MARK3: variants seen among roughly 807,000 people sequenced by gnomAD.
MARK3 encodes MAP/microtubule affinity-regulating kinase 3.
In MARK3, 46 loss-of-function variants were observed where a neutral mutation model predicts 90.1. That is an observed-to-expected ratio of 0.51 (90% CI 0.40 to 0.65). The LOEUF is 0.65. Among genes scored for constraint, MARK3 ranks in the 30% least tolerant of loss-of-function variants. The pLI is 0.00. For synonymous variants in MARK3, 321 were observed against 332.6 expected, an observed-to-expected ratio of 0.97 and a Z score of 0.38; for missense variants, 818 against 947.2, an observed-to-expected ratio of 0.86 and a Z score of 1.79.
chr14:103,479,883 G>A (rs556428355), intron 13 of MARK3, among the ~76,000 whole-genome samples: 1 of 151,946 alleles, frequency 6.6e-6, no homozygotes, highest in East Asian at 1.9e-4. Flanking sequence ...CAGGAGATCC[G>A]CCCACCTCTG....
intron 7 of MARK3, among the ~76,000 whole-genome samples, chr14:103,465,082 C>G (rs1172513448): frequency 3.9e-5 from 6 of 152,188 alleles, no homozygotes; most frequent in Admixed American, 3.9e-4. Flanking sequence ...ATTCTCCTGC[C>G]TCAGCCTCCT....
intron 17 of MARK3, 56 bp from the exon 18 acceptor site, chr14:103,502,826 G>T: frequency 7.1e-7 from 1 of 1,412,780 alleles, no homozygotes; most frequent in Non-Finnish European, 9.8e-7. Context: ...TAGCTGAAGT[G>T]TAAGAGGTTG....
intron 3 of MARK3, among the ~76,000 whole-genome samples, chr14:103,428,813 C>T (rs981295145): frequency 6.6e-6 from 1 of 151,980 alleles, no homozygotes; most frequent in Non-Finnish European, 1.5e-5. Flanking sequence ...TACCTTATAG[C>T]TAATACTGAA....
At chr14:103,398,807 A>G (rs1485080047) in intron 1 of MARK3, among the ~76,000 whole-genome samples, 1 of 152,236 alleles carries the variant, frequency 6.6e-6, no homozygotes. Flanking sequence ...CTTGGAGGAC[A>G]GCCATTTATT....
In MARK3 at chr14:103,462,433, A is replaced by G; in HGVS notation, c.512A>G (p.Gln171Arg). The G allele has an allele frequency of 6.2e-7, 1 of 1,605,042 alleles. No homozygotes were observed. Among genetic ancestry groups the G allele is most frequent in the African/African-American group, 1.3e-5 (1 of 74,942 alleles). ...GTGTCTGCAGTTCAATACTGCCATC[A>G]GAAACGGATCGTACATCGAGACCTC... ...QIVSAVQYCH[Q>R]KRIVHRDLKA... is the part of the protein sequence containing the mutation. The change falls in exon 7 of 18, where the codon CAG becomes CGG. Residue 171 changes from glutamine to arginine, a missense_variant. Gln to Arg is a conservative substitution (Grantham distance 43). This residue lies in a region of MARK3 where 101 missense variants were observed against 175.1 expected (regional missense o/e 0.58). Transcript: ENST00000429436.
intron 2 of MARK3, among the ~76,000 whole-genome samples, chr14:103,415,844 C>T (rs1240620068): frequency 6.6e-6 from 1 of 152,146 alleles, no homozygotes; most frequent in African/African-American, 2.4e-5. Context: ...TCTTTTTCCT[C>T]AGCATTATTA....
chr14:103,433,624 G>A (rs2092645322), intron 3 of MARK3, among the ~76,000 whole-genome samples: 1 of 152,014 alleles, frequency 6.6e-6, no homozygotes, highest in African/African-American at 2.4e-5. Context: ...GGCGGAGGTT[G>A]CAGTGAGCCG....
At chr14:103,486,214 G>A (rs1244392580) in intron 14 of MARK3, among the ~76,000 whole-genome samples, 1 of 152,152 alleles carries the variant, frequency 6.6e-6, no homozygotes, top group Non-Finnish European at 1.5e-5. Flanking sequence ...CGAGGCAAGT[G>A]CATCACCTGG....
At chr14:103,425,249 A>ATTTAT (rs376880922) in intron 2 of MARK3, among the ~76,000 whole-genome samples, 10 of 146,750 alleles carry the variant, frequency 6.8e-5, no homozygotes, top group East Asian at 2.0e-4. Context: ...CTATTTATTT[A>ATTTAT]TTATTTATTT....
rs765810635 is a variant in MARK3, at chr14:103,465,944, G to T, written c.778-28G>T. The T allele has an allele frequency of 3.7e-6, 6 of 1,601,502 alleles. No individual in the cohort carries two copies. In the Admixed American group the frequency reaches 8.8e-5, roughly 23 times the overall value. On this transcript the variant is annotated intron_variant, in intron 8 of 17. Transcript: ENST00000429436. ...ACTAAACCTAAAGGTTGACTTACTC[G>T]TTTTCTTTCCTCTGTACCTCTCCAA...
At chr14:103,450,921 CTTTTTTTTT>C (rs869030067) in intron 4 of MARK3, among the ~76,000 whole-genome samples, 1 of 52,638 alleles carries the variant, frequency 1.9e-5, no homozygotes, top group African/African-American at 6.8e-5. Context: ...TGTGTGTATT[CTTTTTTTTT>C]TTTTTTTTTT....
At position 103,407,152 on chromosome 14, in the gene MARK3, C is replaced by T. The variant is rs193238120; in HGVS notation, c.243+1885C>T. 2.7e-3 allele frequency among the ~76,000 whole-genome samples: 414 copies of T among 152,266 alleles called. 2 individuals carry two copies. Among genetic ancestry groups the T allele is most frequent in the Admixed American group, 4.6e-3 (71 of 15,290 alleles). ...GCCCATCTGGGAGTTCTTTTGCTTTCCCATTACTTTAAACGTTGGAAATAT... is the reference window on the plus strand; with the variant it reads ...GCCCATCTGGGAGTTCTTTTGCTTTTCCATTACTTTAAACGTTGGAAATAT... On this transcript the variant is annotated intron_variant, in intron 2 of 17. Coordinates refer to ENST00000429436, the MANE Select transcript of MARK3 (RefSeq NM_001128918.3).
At chr14:103,423,413 T>A (rs2092296129) in intron 2 of MARK3, among the ~76,000 whole-genome samples, 1 of 152,186 alleles carries the variant, frequency 6.6e-6, no homozygotes, top group Admixed American at 6.6e-5. Flanking sequence ...ACTTTGCTGC[T>A]GGCATCAGAG....
intron 3 of MARK3, among the ~76,000 whole-genome samples, chr14:103,431,956 A>T (rs1253811002): frequency 2.6e-5 from 4 of 151,124 alleles, no homozygotes; most frequent in South Asian, 2.1e-4. Flanking sequence ...AGCCTACTTT[A>T]TTCCATACTT....
rs760433327 is a variant in MARK3, at chr14:103,503,034, A to G, written c.2069A>G (p.Tyr690Cys). The G allele has an allele frequency of 3.1e-6, 5 of 1,614,146 alleles. No individual in the cohort carries two copies. Among genetic ancestry groups the G allele is most frequent in the Non-Finnish European group, 4.2e-6 (5 of 1,180,058 alleles). The change falls in exon 18 of 18, where the codon TAT becomes TGT. Residue 690 changes from tyrosine to cysteine, a missense_variant. Transcript: ENST00000429436. ...RKVLDANNCD[Y>C]EQRERFLLFC... is the part of the protein sequence containing the mutation. Reference sequence around the variant, plus strand: ...GTGTTGGACGCCAATAACTGCGACTATGAGCAGAGGGAGCGCTTCTTGCTC... The same window carrying G: ...GTGTTGGACGCCAATAACTGCGACTGTGAGCAGAGGGAGCGCTTCTTGCTC...
chr14:103,487,802 A>C (rs1214498094), intron 14 of MARK3, among the ~76,000 whole-genome samples: 1 of 152,146 alleles, frequency 6.6e-6, no homozygotes, highest in Non-Finnish European at 1.5e-5. Context: ...TAATCCCAGC[A>C]CTTTGGGAGG....
chr14:103,426,908 A>T (rs115659504), intron 2 of MARK3, among the ~76,000 whole-genome samples: 835 of 27,704 alleles, frequency 0.03, 15 homozygotes, highest in Non-Finnish European at 0.049. Flanking sequence ...AAAAAAAAAA[A>T]ATTTTTAAAG....
chr14:103,433,213 G>A (rs1473814162), intron 3 of MARK3, among the ~76,000 whole-genome samples: 2 of 151,576 alleles, frequency 1.3e-5, no homozygotes, highest in Non-Finnish European at 2.9e-5. Flanking sequence ...AGCCCCCTGA[G>A]TAGCTGGGAC....
intron 1 of MARK3, among the ~76,000 whole-genome samples, chr14:103,404,544 G>A (rs143955031): frequency 1.9e-3 from 290 of 152,258 alleles, no homozygotes; most frequent in Non-Finnish European, 2.8e-3. Context: ...ATACAACAAG[G>A]GTCGTCTATT....
Sources: allele counts gnomAD v4.1 joint callset (sites outside exome capture counted in the v4.1 genomes callset), GRCh38; gene constraint gnomAD v4.1.1; regional missense constraint gnomAD v4.1.1; transcripts MANE v1.5; gene names NCBI Gene and HGNC (gene_info 2026-07-23, HGNC 2026-07-21).